Variants in SYTL5 observed in about 807,000 individuals in gnomAD.
SYTL5 encodes the protein synaptotagmin like 5.
SYTL5 carries 34 observed loss-of-function variants against 55.9 expected under a neutral mutation model. The ratio of observed to expected loss-of-function variants is 0.61; its 90% CI spans 0.46 to 0.81. SYTL5 has a LOEUF of 0.81. Ranked by LOEUF, SYTL5 falls within the 30% of genes least tolerant of loss-of-function variation. SYTL5 has a pLI of 0.00. For missense variants in SYTL5, 637 were observed against 546.7 expected (o/e 1.17, Z -1.65); for synonymous variants, 221 against 188.7 (o/e 1.17, Z -1.40).
chrX:38,054,734 A>G (rs142258513), intron 3 of SYTL5, among the ~76,000 whole-genome samples: 3,392 of 110,023 alleles, frequency 0.031, 134 homozygotes, highest in African/African-American at 0.11. Flanking sequence ...AATCATTATT[A>G]ATATTATTAT....
chrX:38,122,165 G>T lies in SYTL5; in HGVS notation c.1791G>T (p.Lys597Asn), dbSNP rs1569195129. 5.8e-6 allele frequency: 7 copies of T among 1,207,156 alleles called. No homozygotes were observed. Among genetic ancestry groups the T allele is most frequent in the Middle Eastern group, 4.6e-4 (2 of 4,364 alleles). Residue 597 changes from lysine (K) to asparagine (N), a missense_variant, in exon 15 of 17, where the codon AAG (lysine) becomes AAT (asparagine). By Grantham distance (94) the Lys-to-Asn change is moderately conservative. Transcript: ENST00000297875. The stretch of plus-strand genomic sequence containing the variant: ...TAGAAGTGTTCATCAAAGAGGCAAA[G>T]AATTTGACAGCAGTGAAGTCAGGAG... Reference protein sequence around the residue: ...GILEVFIKEAKNLTAVKSGGT... With the variant: ...GILEVFIKEANNLTAVKSGGT...
Position 38,054,406 on chromosome X carries a change from G to C in SYTL5, c.313G>C (p.Val105Leu), listed in dbSNP as rs752190115. The change falls in exon 3 of 17, where the codon GTC (valine) becomes CTC (leucine). Residue 105 changes from valine to leucine, a missense_variant. By Grantham distance (32) the Val-to-Leu change is conservative. Coordinates refer to ENST00000297875, the MANE Select transcript of SYTL5 (RefSeq NM_138780.3). ...AGPNGSWKCT[V>L]CDKIAQLRII... Reference sequence around the variant, plus strand: ...CCCCAATGGCAGCTGGAAGTGCACTGTCTGTGACAAAATCGCGTGAGTTTC... The same window carrying C: ...CCCCAATGGCAGCTGGAAGTGCACTCTCTGTGACAAAATCGCGTGAGTTTC... 3 of 1,209,923 alleles carry C rather than the reference G, an allele frequency of 2.5e-6. No individual in the cohort carries two copies. In the Admixed American group the frequency reaches 6.5e-5, roughly 26 times the overall value.
chrX:38,110,074 G>A (rs1937319755), intron 12 of SYTL5, among the ~76,000 whole-genome samples: 1 of 111,737 alleles, frequency 8.9e-6, no homozygotes, highest in Admixed American at 9.5e-5. Flanking sequence ...GCAGTATATG[G>A]AGTTTATCTC....
chrX:38,007,068 C>G (rs780418282), intron 1 of SYTL5, among the ~76,000 whole-genome samples: 5 of 111,268 alleles, frequency 4.5e-5, no homozygotes, highest in Non-Finnish European at 9.5e-5. Context: ...TCTATATAAA[C>G]CTCTCACATC....
chrX:38,125,583 G>A, intron 16 of SYTL5, 77 bp downstream of exon 16: 1 of 734,264 alleles, frequency 1.4e-6, no homozygotes, highest in Middle Eastern at 3.3e-4. Flanking sequence ...GATGTGATGT[G>A]CAGTGGATGT....
At chrX:38,043,279 C>A (rs1299148415) in intron 2 of SYTL5, among the ~76,000 whole-genome samples, 1 of 109,971 alleles carries the variant, frequency 9.1e-6, no homozygotes, top group African/African-American at 3.3e-5. Flanking sequence ...CAGAAAATTA[C>A]ATAACCATAT....
chrX:38,036,229 C>T (rs1229654312), intron 2 of SYTL5, among the ~76,000 whole-genome samples: 1 of 111,146 alleles, frequency 9.0e-6, no homozygotes, highest in Non-Finnish European at 1.9e-5. Context: ...TCGCTTGAAC[C>T]CAGGAGGCGG....
chrX:38,005,056 T>A (rs1465227834), upstream of SYTL5, among the ~76,000 whole-genome samples: 1 of 111,031 alleles, frequency 9.0e-6, no homozygotes, highest in African/African-American at 3.3e-5. Flanking sequence ...ATACACCTAC[T>A]ATTTTTCCAT....
At chrX:37,905,514 C>T in the SYTL5 span, among the ~76,000 whole-genome samples, 9 of 109,317 alleles carry the variant, frequency 8.2e-5, no homozygotes, top group Admixed American at 8.7e-4. Context: ...AAGGATACAC[C>T]TGGGATCTTG....
At chrX:38,039,972 G>A (rs1935233393) in intron 2 of SYTL5, among the ~76,000 whole-genome samples, 1 of 110,788 alleles carries the variant, frequency 9.0e-6, no homozygotes, top group Non-Finnish European at 1.9e-5. Context: ...TCAGGAGATC[G>A]AGACCATCCT....
intron 3 of SYTL5, among the ~76,000 whole-genome samples, chrX:38,059,785 A>G (rs1935893724): frequency 8.9e-6 from 1 of 111,751 alleles, no homozygotes; most frequent in African/African-American, 3.2e-5. Context: ...TAGAGCAATG[A>G]AGAAGAAAAT....
chrX:37,984,285 TAATGA>T, the SYTL5 span, among the ~76,000 whole-genome samples: 815 of 111,768 alleles, frequency 7.3e-3, 2 homozygotes, highest in Middle Eastern at 0.051. Context: ...CTGGAATCAG[TAATGA>T]AAAGGGAATA....
intron 6 of SYTL5, among the ~76,000 whole-genome samples, chrX:38,077,717 A>G (rs1049950499): frequency 8.9e-6 from 1 of 112,216 alleles, no homozygotes; most frequent in Non-Finnish European, 1.9e-5. Flanking sequence ...TCAAAATATT[A>G]ATACTGTATT....
the SYTL5 span, among the ~76,000 whole-genome samples, chrX:37,912,791 A>T: frequency 0.052 from 5,897 of 112,387 alleles, 382 homozygotes; most frequent in African/African-American, 0.18. Context: ...ATGTATATTA[A>T]AAACCTGCTC....
the SYTL5 span, among the ~76,000 whole-genome samples, chrX:37,985,323 C>T: frequency 9.0e-6 from 1 of 111,288 alleles, no homozygotes; most frequent in Middle Eastern, 4.8e-3. Context: ...GTCTGAGTTA[C>T]GAGCATAAAT....
At chrX:38,059,434 G>A (rs1174821725) in intron 3 of SYTL5, among the ~76,000 whole-genome samples, 3 of 111,313 alleles carry the variant, frequency 2.7e-5, no homozygotes, top group South Asian at 7.5e-4. Flanking sequence ...AAGGGAATTA[G>A]GATAAGGCTC....
intron 6 of SYTL5, among the ~76,000 whole-genome samples, chrX:38,085,697 G>GT (rs1335977667): frequency 2.1e-4 from 23 of 111,788 alleles, no homozygotes; most frequent in African/African-American, 6.8e-4. Context: ...TGCTGCCTTA[G>GT]GAGAGCACAC....
intron 9 of SYTL5, among the ~76,000 whole-genome samples, chrX:38,101,138 G>A (rs6651646): frequency 0.41 from 44,560 of 109,959 alleles, 9,284 homozygotes; most frequent in African/African-American, 0.81. Flanking sequence ...CAGGCAAAAC[G>A]AAATCATTTT....
the SYTL5 span, among the ~76,000 whole-genome samples, chrX:37,952,294 C>T: frequency 9.0e-6 from 1 of 111,596 alleles, no homozygotes; most frequent in Non-Finnish European, 1.9e-5. Flanking sequence ...GTTTGTCTAG[C>T]CCTGGGTTTG....
Sources: allele counts gnomAD v4.1 joint callset (sites outside exome capture counted in the v4.1 genomes callset), GRCh38; gene constraint gnomAD v4.1.1; transcripts MANE v1.5; gene names NCBI Gene and HGNC (gene_info 2026-07-23, HGNC 2026-07-21).